The following EDEM1 variants were observed in gnomAD, a reference collection of about 807,000 sequenced individuals.
EDEM1 encodes ER degradation enhancing alpha-mannosidase like protein 1.
Under a neutral mutation model 74.4 loss-of-function variants are expected in EDEM1, and 67 were observed. The ratio of observed to expected loss-of-function variants is 0.90; its 90% CI spans 0.74 to 1.10. The LOEUF (loss-of-function observed/expected upper bound fraction) is 1.10. Ranked by LOEUF, EDEM1 falls within the 50% of genes least tolerant of loss-of-function variation. EDEM1 has a pLI of 0.00. For synonymous variants in EDEM1, 382 were observed against 335.9 expected, an observed-to-expected ratio of 1.14 and a Z score of -1.50; for missense variants, 926 against 851.6, an observed-to-expected ratio of 1.09 and a Z score of -1.09.
rs1290305666 is a variant in EDEM1 at position 5,216,445 on chromosome 3, G to C, written c.*527G>C. The C allele has an allele frequency of 2.6e-5, 4 of 152,136 alleles. No homozygotes were observed. The highest frequency in any genetic ancestry group is 7.2e-5 in the African/African-American group (3 of 41,426). 9.4% of individuals were successfully genotyped at this position (152,136 alleles called of 1,614,324 possible). A position where few individuals can be genotyped will look rare whatever the true frequency, so the allele number is the denominator to read the frequency against. ...ACTGTACCTGGCTAGCTACTTCTTT[G>C]TTAGAGGATTGAGAATGAAATTTCT... is the stretch of plus-strand genomic sequence containing the variant. On this transcript the variant is annotated 3_prime_UTR_variant, in exon 12 of 12. Coordinates refer to ENST00000256497, the MANE Select transcript of EDEM1 (RefSeq NM_014674.3).
At position 5,202,946 on chromosome 3, in the gene EDEM1, TTGTC is replaced by T. The variant is rs2055050902; in HGVS notation, c.859-16_859-13del. The T allele has an allele frequency of 3.1e-6, 5 of 1,610,654 alleles. No individual in the cohort carries two copies. In the African/African-American group the frequency reaches 4.0e-5, roughly 13 times the overall value. On this transcript the variant is annotated splice_polypyrimidine_tract_variant and intron_variant, in intron 4 of 11. Coordinates refer to ENST00000256497, the MANE Select transcript of EDEM1 (RefSeq NM_014674.3). ...GATTCCTTGAGTTTTGTCACAGTCT[TTGTC>T]TGTTCCCATCCCCAGGTGAATCTAA...
At position 5,187,743 on chromosome 3, in the gene EDEM1, G is replaced by T; in HGVS notation, c.-63G>T. 6.9e-7 allele frequency: 1 copy of T among 1,445,838 alleles called. No homozygotes were observed. Among genetic ancestry groups the T allele is most frequent in the Non-Finnish European group, 9.1e-7 (1 of 1,099,936 alleles). The allele number at this position is 1,445,838 out of a possible 1,614,324, so 89.6% of individuals were successfully genotyped here. On this transcript the variant is annotated 5_prime_UTR_variant, in exon 1 of 12. Transcript: ENST00000256497. ...GAGCCGGGCTACGGGGCGAGCGCGGGGTGCGGTGGTCGGCGGGGAGGCCCC... is the reference window on the plus strand; with the variant it reads ...GAGCCGGGCTACGGGGCGAGCGCGGTGTGCGGTGGTCGGCGGGGAGGCCCC...
rs183487150 is a variant in EDEM1 at position 5,210,996 on chromosome 3, A to T, written c.1584-124A>T. 325 of 868,660 alleles carry T rather than the reference A, an allele frequency of 3.7e-4. 2 individuals are homozygous for T. In the African/African-American group the frequency reaches 5.0e-3, roughly 13 times the overall value. The allele number at this position is 868,660 out of a possible 1,614,324, so 53.8% of individuals were successfully genotyped here. A position where few individuals can be genotyped will look rare whatever the true frequency, so the allele number is the denominator to read the frequency against. On this transcript the variant is annotated intron_variant, in intron 9 of 11. Transcript: ENST00000256497. ...AAAAAAGGAGAGCCCCTCAATGTAA[A>T]CATAGTTTCATATGGTGTTGGATGA...
intron 3 of EDEM1, 79 bp downstream of exon 3, chr3:5,199,774 T>C: frequency 8.4e-7 from 1 of 1,196,542 alleles, no homozygotes; most frequent in Admixed American, 2.3e-5. Context: ...TTGAGGGTCT[T>C]TTTGCCACAT....
rs191915838 is a variant in EDEM1, at chr3:5,205,647, T to C, written c.1217+406T>C. ...GTTGCTGGCAGTCTTCAGTTCCTCTTTGGCTGTTGGCTGGAGGGCTCAGTT... is the reference window on the plus strand; with the variant it reads ...GTTGCTGGCAGTCTTCAGTTCCTCTCTGGCTGTTGGCTGGAGGGCTCAGTT... On this transcript the variant is annotated intron_variant, in intron 6 of 11. Transcript: ENST00000256497. 1.4e-3 allele frequency among the ~76,000 whole-genome samples: 208 copies of C among 152,340 alleles called. 1 individual carries two copies. The highest frequency in any genetic ancestry group is 4.9e-3 in the African/African-American group (203 of 41,578).
At chr3:5,211,302 C>A (rs1292415958) in intron 10 of EDEM1, 86 bp downstream of exon 10, 2 of 1,279,908 alleles carry the variant, frequency 1.6e-6, no homozygotes, top group Non-Finnish European at 2.2e-6. Flanking sequence ...CAGGTACTTA[C>A]TGGCTAAAGC....
At chr3:5,193,640 C>T (rs1010414684) in intron 1 of EDEM1, among the ~76,000 whole-genome samples, 3 of 151,964 alleles carry the variant, frequency 2.0e-5, no homozygotes, top group Non-Finnish European at 4.4e-5. Flanking sequence ...TCTTGTTGCC[C>T]AGGCTGGAGT....
At chr3:5,195,969 A>G (rs2054961397) in intron 2 of EDEM1, among the ~76,000 whole-genome samples, 1 of 152,316 alleles carries the variant, frequency 6.6e-6, no homozygotes, top group Admixed American at 6.5e-5. Flanking sequence ...TTTCCAGGGG[A>G]CTGTATTCCA....
intron 1 of EDEM1, among the ~76,000 whole-genome samples, chr3:5,190,104 A>G (rs570667484): frequency 6.6e-6 from 1 of 152,116 alleles, no homozygotes; most frequent in Non-Finnish European, 1.5e-5. Context: ...AAAGTTTGAA[A>G]AATATCATAA....
chr3:5,210,137 A>G (rs1234340395), intron 8 of EDEM1, 38 bp from the exon 9 acceptor site: 5 of 1,577,742 alleles, frequency 3.2e-6, no homozygotes, highest in East Asian at 2.2e-5. Flanking sequence ...ATGTCTTCCA[A>G]GCCCATGCTG....
intron 5 of EDEM1, among the ~76,000 whole-genome samples, chr3:5,204,052 G>A (rs2055066190): frequency 6.6e-6 from 1 of 152,176 alleles, no homozygotes; most frequent in Non-Finnish European, 1.5e-5. Flanking sequence ...TTTAACTCAT[G>A]TAACTGTCTT....
At chr3:5,200,883 T>A (rs933352029) in intron 3 of EDEM1, among the ~76,000 whole-genome samples, 4 of 151,514 alleles carry the variant, frequency 2.6e-5, no homozygotes, top group African/African-American at 9.7e-5. Flanking sequence ...TTTTTTTTAA[T>A]TTGAATTAAA....
intron 9 of EDEM1, 104 bp from the exon 10 acceptor site, chr3:5,211,016 G>T: frequency 1.9e-6 from 2 of 1,033,732 alleles, no homozygotes; most frequent in Non-Finnish European, 2.9e-6. Context: ...ATATGGTGTT[G>T]GATGACTGGT....
At chr3:5,205,291 C>T in intron 6 of EDEM1, 50 bp downstream of exon 6, 3 of 1,545,434 alleles carry the variant, frequency 1.9e-6, no homozygotes. Context: ...AAATAGAATG[C>T]ATTCTGAAGC....
At chr3:5,201,954 T>TG in intron 4 of EDEM1, 30 bp downstream of exon 4, 1 of 1,584,096 alleles carries the variant, frequency 6.3e-7, no homozygotes, top group Non-Finnish European at 8.6e-7. Flanking sequence ...CCTTTGTGTT[T>TG]GACAATTCAC....
At chr3:5,204,326 C>G (rs1406297786) in intron 5 of EDEM1, among the ~76,000 whole-genome samples, 1 of 151,666 alleles carries the variant, frequency 6.6e-6, no homozygotes. Flanking sequence ...ATAATGACCA[C>G]TTTTGTTGTT....
Position 5,201,874 on chromosome 3 carries a change from C to A in EDEM1, c.808C>A (p.Arg270=). The part of the protein sequence containing the change: ...LLYMAHDLAV[R]LLPAFENTKT... ...ATACATGGCCCATGACCTGGCGGTG[C>A]GGCTCCTCCCTGCTTTTGAAAACAC... Residue 270 remains arginine (R), a synonymous_variant, in exon 4 of 12, where the codon CGG becomes AGG. Transcript: ENST00000256497. 6.2e-7 allele frequency: 1 copy of A among 1,614,098 alleles called. No homozygotes were observed. Among genetic ancestry groups the A allele is most frequent in the African/African-American group, 1.3e-5 (1 of 75,046 alleles).
intron 8 of EDEM1, among the ~76,000 whole-genome samples, chr3:5,208,514 G>T (rs1460029177): frequency 6.6e-6 from 1 of 151,974 alleles, no homozygotes; most frequent in Non-Finnish European, 1.5e-5. Flanking sequence ...TTTACCGTAG[G>T]ACTTATAACT....
chr3:5,208,977 C>T lies in EDEM1; in HGVS notation c.1509+714C>T, dbSNP rs549076725. Among the ~76,000 whole-genome samples, 28 of 152,182 alleles carry T rather than the reference C, an allele frequency of 1.8e-4. No individual in the cohort carries two copies. The South Asian group carries it at 5.8e-3, about 32-fold the overall frequency. On this transcript the variant is annotated intron_variant, in intron 8 of 11. Transcript: ENST00000256497. Reference sequence around the variant, plus strand: ...CACAGCAGCACGAGTGGTTAACTCACCAAGAAACTGGCCTTGGTGAAATTC... The same window carrying T: ...CACAGCAGCACGAGTGGTTAACTCATCAAGAAACTGGCCTTGGTGAAATTC...
Sources: gnomAD v4.1 joint callset for allele counts (sites outside exome capture counted in the v4.1 genomes callset) on GRCh38, gnomAD v4.1.1 for gene constraint, MANE v1.5 for transcripts, NCBI Gene and HGNC (gene_info 2026-07-23, HGNC 2026-07-21) for gene names.